Variants in ZNF236 observed in about 807,000 individuals in gnomAD.
The protein encoded by ZNF236 is zinc finger protein 236, also known as regulated by glucose.
In ZNF236, 50 loss-of-function variants were observed where a neutral mutation model predicts 191.2. The observed-to-expected ratio is 0.26, with a 90% CI of 0.21 to 0.33. The LOEUF is 0.33. ZNF236 is among the 10% of genes least tolerant of loss of function. The probability of loss-of-function intolerance (pLI) is 1.00; values close to 1 mark genes in which losing one functional copy is unlikely to be tolerated. For missense variants in ZNF236, 1,754 were observed against 2,374.5 expected (o/e 0.74, Z 5.43); for synonymous variants, 907 against 928.8 (o/e 0.98, Z 0.43).
intron 1 of ZNF236, among the ~76,000 whole-genome samples, chr18:76,823,504 G>C (rs1326955988): frequency 6.6e-6 from 1 of 151,772 alleles, no homozygotes; most frequent in Admixed American, 6.6e-5. Context: ...CGTGCATACA[G>C]TAGGCATCAG....
At position 76,927,495 on chromosome 18, in the gene ZNF236, A is replaced by G. The variant is rs1018518576; in HGVS notation, c.4392A>G (p.Ser1464=). 6.2e-7 allele frequency: 1 copy of G among 1,614,096 alleles called. No individual in the cohort carries two copies. Among genetic ancestry groups the G allele is most frequent in the Non-Finnish European group, 8.5e-7 (1 of 1,180,030 alleles). The change falls in exon 24 of 31, where the codon TCA becomes TCG. Residue 1464 remains serine, a synonymous_variant. Transcript: ENST00000320610. The surrounding 1 kb of genome is among the most constrained non-coding windows in gnomAD (Gnocchi z 5.4). The stretch of plus-strand genomic sequence containing the variant: ...TAGGCCCGCTGTCTGAGCAGGATTC[A>G]GTGCTGACCACTAACAGCAGTGGTA... ...LTIGPLSEQD[S]VLTTNSSGTQ... is the part of the protein sequence containing the mutation.
At chr18:76,860,356 G>T (rs1599339862) in intron 3 of ZNF236, among the ~76,000 whole-genome samples, 2 of 152,216 alleles carry the variant, frequency 1.3e-5, no homozygotes, top group African/African-American at 4.8e-5. Context: ...TTTCCATTCT[G>T]AAGTTCCTTC....
intron 7 of ZNF236, among the ~76,000 whole-genome samples, chr18:76,878,619 GCACA>G (rs34297502): frequency 4.0e-5 from 6 of 150,032 alleles, no homozygotes; most frequent in African/African-American, 1.2e-4. Context: ...ACACAGGTGC[GCACA>G]CACACACACA....
intron 30 of ZNF236, among the ~76,000 whole-genome samples, chr18:76,966,207 T>G (rs530098641): frequency 6.6e-6 from 1 of 152,278 alleles, no homozygotes; most frequent in East Asian, 1.9e-4. Flanking sequence ...TGCTGCTCTG[T>G]CCCTTTGAGT....
intron 26 of ZNF236, among the ~76,000 whole-genome samples, chr18:76,944,238 G>A (rs1968205505): frequency 6.6e-6 from 1 of 152,138 alleles, no homozygotes; most frequent in Non-Finnish European, 1.5e-5. Context: ...TCTCTGCTGG[G>A]GCTTGGTGCT....
intron 25 of ZNF236, among the ~76,000 whole-genome samples, chr18:76,933,452 A>T (rs1225412219): frequency 2.0e-5 from 3 of 151,970 alleles, no homozygotes; most frequent in Non-Finnish European, 2.9e-5. Context: ...GTGACGAGCA[A>T]AACTCCGTCT....
intron 15 of ZNF236, 122 bp downstream of exon 15, chr18:76,910,291 A>G: frequency 1.2e-6 from 1 of 821,466 alleles, no homozygotes. Flanking sequence ...CAAACCAAAT[A>G]ACTTTTTGCA....
chr18:76,878,417 A>G (rs533079617), intron 7 of ZNF236, among the ~76,000 whole-genome samples: 1 of 152,358 alleles, frequency 6.6e-6, no homozygotes, highest in South Asian at 2.1e-4. Flanking sequence ...CTACAGTGTT[A>G]TTGATGATTA....
At chr18:76,928,319 C>G (rs1967761167) in intron 25 of ZNF236, among the ~76,000 whole-genome samples, 3 of 152,178 alleles carry the variant, frequency 2.0e-5, no homozygotes, top group Non-Finnish European at 4.4e-5. Flanking sequence ...CATGTCACTT[C>G]CAGTTTGAGT....
At chr18:76,854,419 A>T (rs1036068064) in intron 3 of ZNF236, among the ~76,000 whole-genome samples, 9 of 152,190 alleles carry the variant, frequency 5.9e-5, no homozygotes, top group African/African-American at 2.2e-4. Context: ...TTCACTCATC[A>T]TCAAAGTTAT....
chr18:76,861,803 CAG>C (rs1446958820), intron 3 of ZNF236, among the ~76,000 whole-genome samples: 2 of 152,164 alleles, frequency 1.3e-5, no homozygotes, highest in African/African-American at 4.8e-5. Context: ...TGAAAGGCAT[CAG>C]AGGTGGCGGA....
intron 3 of ZNF236, among the ~76,000 whole-genome samples, chr18:76,853,953 T>C (rs1453126741): frequency 6.6e-6 from 1 of 150,960 alleles, no homozygotes; most frequent in Non-Finnish European, 1.5e-5. Context: ...GAGGTTGCAA[T>C]GAGCTGAGAT....
intron 1 of ZNF236, chr18:76,824,397 C>T (rs1470497028): frequency 1.3e-6 from 1 of 781,094 alleles, no homozygotes; most frequent in South Asian, 1.3e-5. Flanking sequence ...TTGGCTGCAC[C>T]ATGACCCAGG....
Position 76,880,173 on chromosome 18 carries a change from A to G in ZNF236, c.1045A>G (p.Ser349Gly). The G allele has an allele frequency of 6.2e-7, 1 of 1,614,146 alleles. No homozygotes were observed. The highest frequency in any genetic ancestry group is 8.5e-7 in the Non-Finnish European group (1 of 1,180,014). Residue 349 changes from serine to glycine, a missense_variant, in exon 8 of 31, where the codon AGC becomes GGC. Ser to Gly is a moderately conservative substitution (Grantham distance 56, BLOSUM62 0). Around this residue, in one of 5 missense-constraint regions of ZNF236, gnomAD observed 336 missense variants for 495.1 expected, o/e 0.68. Coordinates refer to ENST00000320610, the MANE Select transcript of ZNF236 (RefSeq NM_001306089.2). This position sits in a 1 kb window ranked among gnomAD's most constrained non-coding sequence, Gnocchi z 5.0. ...GGAAGCCCAAGCCACGTCGGCCTCA[A>G]GCCAGCCGAGCTCCCAGGCGGTGAG... Reference protein sequence around the residue: ...QTEAQATSASSQPSSQAVSDV... With the variant: ...QTEAQATSASGQPSSQAVSDV...
intron 14 of ZNF236, among the ~76,000 whole-genome samples, chr18:76,909,747 C>T (rs988500374): frequency 6.6e-6 from 1 of 152,168 alleles, no homozygotes; most frequent in East Asian, 1.9e-4. Flanking sequence ...GAGGATTATA[C>T]ACTTACCCCT....
chr18:76,971,136 G>A lies in ZNF236; in HGVS notation c.*2797G>A, dbSNP rs1443494923. Among the ~76,000 whole-genome samples the A allele has an allele frequency of 2.0e-5, 3 of 152,250 alleles. No individual in the cohort carries two copies. The highest frequency in any genetic ancestry group is 1.3e-4 in the Admixed American group (2 of 15,292). On this transcript the variant is annotated 3_prime_UTR_variant, in exon 31 of 31. Transcript: ENST00000320610. ...GCAAAGATACCAAACGTGAAGGTGG[G>A]GTGCAGGTACTGAGGAAGCAGGAGG...
chr18:76,860,723 G>C (rs1439325579), intron 3 of ZNF236, among the ~76,000 whole-genome samples: 1 of 152,210 alleles, frequency 6.6e-6, no homozygotes, highest in Non-Finnish European at 1.5e-5. Flanking sequence ...GTGGTTGTAA[G>C]AACTTACACA....
intron 9 of ZNF236, among the ~76,000 whole-genome samples, chr18:76,893,749 G>A (rs1977316765): frequency 6.6e-6 from 1 of 152,342 alleles, no homozygotes; most frequent in Non-Finnish European, 1.5e-5. Flanking sequence ...CTGAGCTCAA[G>A]CTATCTGTCC....
intron 13 of ZNF236, among the ~76,000 whole-genome samples, chr18:76,907,604 C>T (rs2122752460): frequency 6.6e-6 from 1 of 152,348 alleles, no homozygotes; most frequent in South Asian, 2.1e-4. Flanking sequence ...GCTGGGATTA[C>T]AGGTGTGAGC....
Sources: gnomAD v4.1 joint callset for allele counts (sites outside exome capture counted in the v4.1 genomes callset) on GRCh38, gnomAD v4.1.1 for gene constraint, gnomAD v4.1.1 regional missense constraint, Gnocchi (gnomAD v3.1) non-coding constraint, MANE v1.5 for transcripts, NCBI Gene and HGNC (gene_info 2026-07-23, HGNC 2026-07-21) for gene names.